GRIK4: variants seen among roughly 807,000 people sequenced by gnomAD.
GRIK4 encodes glutamate receptor ionotropic, kainate 4.
Under a neutral mutation model 104.9 loss-of-function variants are expected in GRIK4, and 40 were observed. The ratio of observed to expected loss-of-function variants is 0.38; its 90% CI spans 0.30 to 0.50. The LOEUF (loss-of-function observed/expected upper bound fraction) is 0.50. GRIK4 is among the 20% of genes least tolerant of loss of function. The pLI is 0.93. For synonymous variants in GRIK4, 485 were observed against 524.9 expected, an observed-to-expected ratio of 0.92 and a Z score of 1.04; for missense variants, 1,047 against 1,308.1, an observed-to-expected ratio of 0.80 and a Z score of 3.08.
rs1420753304 is a variant in GRIK4 at position 120,513,681 on chromosome 11, C to A, written c.-159+1794C>A. On this transcript the variant is annotated intron_variant, in intron 1 of 20. Coordinates refer to ENST00000527524, the MANE Select transcript of GRIK4 (RefSeq NM_014619.5). The surrounding 1 kb of genome is among the most constrained non-coding windows in gnomAD (Gnocchi z 4.5). The stretch of plus-strand genomic sequence containing the variant: ...TTCCTTGTGGCCCGGGCTTGCCCAC[C>A]AGCCTCCCGCCTGCCTCACCAGCTC... 6.6e-6 allele frequency among the ~76,000 whole-genome samples: 1 copy of A among 152,178 alleles called. No homozygotes were observed. Among genetic ancestry groups the A allele is most frequent in the African/African-American group, 2.4e-5 (1 of 41,438 alleles).
chr11:120,860,609 C>T lies in GRIK4; in HGVS notation c.745-1350C>T, dbSNP rs79261727. ...ATATGAAATGACGATGAATTTGTTT[C>T]CTTACTATCTGTCTCTTCCACTAAC... On this transcript the variant is annotated intron_variant, in intron 8 of 20. Coordinates refer to ENST00000527524, the MANE Select transcript of GRIK4 (RefSeq NM_014619.5). Among the ~76,000 whole-genome samples the T allele has an allele frequency of 6.2e-3, 947 of 152,304 alleles. 11 individuals are homozygous for T. The highest frequency in any genetic ancestry group is 0.022 in the African/African-American group (899 of 41,562).
intron 11 of GRIK4, among the ~76,000 whole-genome samples, chr11:120,897,062 C>A (rs958703316): frequency 6.6e-6 from 1 of 152,176 alleles, no homozygotes; most frequent in Non-Finnish European, 1.5e-5. Context: ...CGCCTGTAAT[C>A]TCAGCACTTT....
rs151110479 is a variant in GRIK4, at chr11:120,672,691, A to G, written c.82+12291A>G. Among the ~76,000 whole-genome samples, 235 of 151,976 alleles carry G rather than the reference A, an allele frequency of 1.5e-3. 2 individuals carry two copies. Among genetic ancestry groups the G allele is most frequent in the African/African-American group, 5.4e-3 (222 of 41,270 alleles). On this transcript the variant is annotated intron_variant, in intron 3 of 20. Transcript: ENST00000527524. ...TAGGTATTTTATTCTCTTTGTAGCA[A>G]TTGTGAATGCGAGTTTGCTCGTGAT...
chr11:120,849,435 G>A (rs925012411), intron 8 of GRIK4, among the ~76,000 whole-genome samples: 5 of 152,062 alleles, frequency 3.3e-5, no homozygotes, highest in African/African-American at 1.2e-4. Context: ...GAGATGCCTC[G>A]GCCTTCCGTC....
chr11:120,917,281 GAAAGAAAGAAAGAAAA>G (rs1943130326), intron 13 of GRIK4, among the ~76,000 whole-genome samples: 1 of 127,346 alleles, frequency 7.9e-6, no homozygotes, highest in African/African-American at 3.0e-5. Flanking sequence ...AAGAAAGAAA[GAAAGAAAGAAAGAAAA>G]AAGAAAGAAA....
intron 3 of GRIK4, among the ~76,000 whole-genome samples, chr11:120,692,036 T>G (rs138938984): frequency 1.3e-5 from 2 of 152,348 alleles, no homozygotes; most frequent in Admixed American, 1.3e-4. Context: ...AGCCCCTCTA[T>G]GGGTGATGTC....
At chr11:120,906,131 T>G (rs1021595532) in intron 13 of GRIK4, among the ~76,000 whole-genome samples, 1 of 152,192 alleles carries the variant, frequency 6.6e-6, no homozygotes, top group Non-Finnish European at 1.5e-5. Context: ...TCTGTTAGGT[T>G]AGAGCAAGGG....
At chr11:120,785,259 C>T (rs372123306) in intron 3 of GRIK4, among the ~76,000 whole-genome samples, 33 of 152,204 alleles carry the variant, frequency 2.2e-4, no homozygotes, top group African/African-American at 7.5e-4. Context: ...CTGGGCTGGC[C>T]AGTGCTGGCT....
intron 3 of GRIK4, among the ~76,000 whole-genome samples, chr11:120,749,039 G>T (rs1010458305): frequency 1.3e-5 from 2 of 152,212 alleles, no homozygotes; most frequent in African/African-American, 4.8e-5. Flanking sequence ...TCCTCCTGCT[G>T]ATTTGTGAGG....
At chr11:120,914,038 A>G (rs954786946) in intron 13 of GRIK4, among the ~76,000 whole-genome samples, 1 of 152,224 alleles carries the variant, frequency 6.6e-6, no homozygotes, top group Non-Finnish European at 1.5e-5. Flanking sequence ...GAGCTCAGCG[A>G]GGGCTTTGCT....
chr11:120,566,383 G>A (rs1042556410), intron 1 of GRIK4, among the ~76,000 whole-genome samples: 3 of 152,192 alleles, frequency 2.0e-5, no homozygotes, highest in African/African-American at 7.2e-5. Context: ...TTCTGACTGA[G>A]TAAGGTCTCA....
In GRIK4 at chr11:120,956,457, G is replaced by A. The variant is rs911700364; in HGVS notation, c.1701-323G>A. 2.6e-5 allele frequency among the ~76,000 whole-genome samples: 4 copies of A among 151,854 alleles called. No individual in the cohort carries two copies. The highest frequency in any genetic ancestry group is 4.4e-5 in the Non-Finnish European group (3 of 67,976). ...TGGACTCAAGCAATCCACCCGCCTCGGCCTCCCAAAGTGCTGGGATTACAG... is the reference window on the plus strand; with the variant it reads ...TGGACTCAAGCAATCCACCCGCCTCAGCCTCCCAAAGTGCTGGGATTACAG... On this transcript the variant is annotated intron_variant, in intron 15 of 20. Coordinates refer to ENST00000527524, the MANE Select transcript of GRIK4 (RefSeq NM_014619.5). This position sits in a 1 kb window ranked among gnomAD's most constrained non-coding sequence, Gnocchi z 4.6.
intron 7 of GRIK4, among the ~76,000 whole-genome samples, chr11:120,832,738 C>T (rs749637223): frequency 3.9e-5 from 6 of 152,166 alleles, no homozygotes; most frequent in Non-Finnish European, 8.8e-5. Context: ...CACTGGAAAC[C>T]AGAACTCTGT....
chr11:120,748,286 C>T (rs968422698), intron 3 of GRIK4, among the ~76,000 whole-genome samples: 4 of 152,124 alleles, frequency 2.6e-5, no homozygotes, highest in Admixed American at 6.5e-5. Flanking sequence ...TCTCCTTCCA[C>T]CCCCTGCCAA....
intron 4 of GRIK4, among the ~76,000 whole-genome samples, chr11:120,813,488 C>T (rs994834973): frequency 6.6e-6 from 1 of 152,202 alleles, no homozygotes; most frequent in Non-Finnish European, 1.5e-5. Flanking sequence ...GCCTGATCAT[C>T]ACTACTTTGG....
At chr11:120,823,785 G>C (rs947794539) in intron 6 of GRIK4, among the ~76,000 whole-genome samples, 2 of 152,232 alleles carry the variant, frequency 1.3e-5, no homozygotes, top group Non-Finnish European at 2.9e-5. Context: ...GCCTGTCCAG[G>C]TGCAGTAGGG....
chr11:120,724,144 T>C lies in GRIK4; in HGVS notation c.82+63744T>C, dbSNP rs148939598. Among the ~76,000 whole-genome samples the C allele has an allele frequency of 2.6e-5, 4 of 152,294 alleles. No individual in the cohort carries two copies. The East Asian group carries it at 7.7e-4, about 29-fold the overall frequency. On this transcript the variant is annotated intron_variant, in intron 3 of 20. Coordinates refer to ENST00000527524, the MANE Select transcript of GRIK4 (RefSeq NM_014619.5). ...GTTGCCTGTATCACAAGTTTGTTCC[T>C]TTTTTTGTTTGTTTGTTTTTGAGAG...
rs867768934 is a variant in GRIK4 at position 120,724,015 on chromosome 11, G to C, written c.82+63615G>C. Among the ~76,000 whole-genome samples the C allele has an allele frequency of 3.3e-5, 5 of 151,860 alleles. No homozygotes were observed. In the South Asian group the frequency reaches 8.4e-4, roughly 25 times the overall value. ...CCACTGATCTGTTTTCTGTCCTATG[G>C]TTTTGACTTTCCTAAAACGTCATAT... On this transcript the variant is annotated intron_variant, in intron 3 of 20. Coordinates refer to ENST00000527524, the MANE Select transcript of GRIK4 (RefSeq NM_014619.5).
At chr11:120,725,801 C>G (rs2135383296) in intron 3 of GRIK4, among the ~76,000 whole-genome samples, 1 of 152,162 alleles carries the variant, frequency 6.6e-6, no homozygotes, top group Non-Finnish European at 1.5e-5. Flanking sequence ...TGGCCATATC[C>G]AGAGGCATTT....
Sources: gnomAD v4.1 joint callset for allele counts (sites outside exome capture counted in the v4.1 genomes callset) on GRCh38, gnomAD v4.1.1 for gene constraint, Gnocchi (gnomAD v3.1) non-coding constraint, MANE v1.5 for transcripts, NCBI Gene and HGNC (gene_info 2026-07-23, HGNC 2026-07-21) for gene names.